Variants in AKAP9 observed in about 807,000 individuals in gnomAD.
AKAP9 encodes the protein A-kinase anchor protein 9.
In AKAP9, 311 loss-of-function variants were observed where a neutral mutation model predicts 488.5. The ratio of observed to expected loss-of-function variants is 0.64; its 90% CI spans 0.58 to 0.70. AKAP9 has a LOEUF of 0.70. Ranked by LOEUF, AKAP9 falls within the 30% of genes least tolerant of loss-of-function variation. The pLI is 0.00. For missense variants in AKAP9, 4,215 were observed against 4,374.5 expected, an observed-to-expected ratio of 0.96 and a Z score of 1.03; for synonymous variants, 1,462 against 1,483.5, an observed-to-expected ratio of 0.99 and a Z score of 0.33.
chr7:92,050,759 C>T (rs1807837717), intron 21 of AKAP9, among the ~76,000 whole-genome samples: 1 of 152,100 alleles, frequency 6.6e-6, no homozygotes, highest in Admixed American at 6.6e-5. Context: ...CATTGCAGAC[C>T]CAAAATTCCA....
chr7:92,061,842 T>C (rs560329658), intron 23 of AKAP9, among the ~76,000 whole-genome samples: 1 of 151,882 alleles, frequency 6.6e-6, no homozygotes, highest in Non-Finnish European at 1.5e-5. Flanking sequence ...TATGCTCTTT[T>C]TAATTCTCCT....
intron 28 of AKAP9, among the ~76,000 whole-genome samples, chr7:92,074,941 A>G (rs760455599): frequency 1.3e-5 from 2 of 152,120 alleles, no homozygotes; most frequent in Non-Finnish European, 2.9e-5. Context: ...AGCAAACTAC[A>G]ATGGCACGTG....
chr7:92,002,831 G>A lies in AKAP9; in HGVS notation c.2914G>A (p.Glu972Lys). The change falls in exon 8 of 50, where the codon GAG (glutamate) becomes AAG (lysine). Residue 972 changes from glutamate (E) to lysine (K), a missense_variant. Physicochemically the swap from Glu to Lys is moderately conservative, Grantham distance 56. This residue lies in a region of AKAP9 where 2,361 missense variants were observed against 2,430.0 expected (regional missense o/e 0.97). Transcript: ENST00000356239. Reference protein sequence around the residue: ...LSEQLKQKHGEISFLNEEVKS... With the variant: ...LSEQLKQKHGKISFLNEEVKS... ...TGAACAATTGAAACAGAAACATGGT[G>A]AGATTAGTTTTCTAAATGAAGAAGT... is the stretch of plus-strand genomic sequence containing the variant. 1 of 1,613,586 alleles carries A rather than the reference G, an allele frequency of 6.2e-7. No individual in the cohort carries two copies. The highest frequency in any genetic ancestry group is 8.5e-7 in the Non-Finnish European group (1 of 1,179,690).
At chr7:92,080,204 G>C (rs766015774) in intron 31 of AKAP9, 52 bp downstream of exon 31, 3 of 1,341,132 alleles carry the variant, frequency 2.2e-6, no homozygotes, top group Non-Finnish European at 3.0e-6. Flanking sequence ...AAACTAAGCT[G>C]ATTGCTAATT....
chr7:92,083,427 T>G lies in AKAP9; in HGVS notation c.8418T>G (p.Ile2806Met), dbSNP rs1813946186. 3 of 1,613,916 alleles carry G rather than the reference T, an allele frequency of 1.9e-6. No individual in the cohort carries two copies. The South Asian group carries it at 3.3e-5, about 18-fold the overall frequency. Reference sequence around the variant, plus strand: ...TTGTTAAAAATGCAGGAATACAAATTAATTTACAGAGTGAATGTTCCTCAG... The same window carrying G: ...TTGTTAAAAATGCAGGAATACAAATGAATTTACAGAGTGAATGTTCCTCAG... ...QILVKNAGIQ[I>M]NLQSECSSEE... The change falls in exon 33 of 50, where the codon ATT becomes ATG. Residue 2806 changes from isoleucine (I) to methionine (M), a missense_variant. Coordinates refer to ENST00000356239, the MANE Select transcript of AKAP9 (RefSeq NM_005751.5).
chr7:92,058,361 G>A (rs528461111), intron 22 of AKAP9: 32 of 566,490 alleles, frequency 5.6e-5, no homozygotes, highest in South Asian at 3.4e-4. Flanking sequence ...TAAAAGAAAC[G>A]GGCATATATT....
At chr7:92,022,378 G>A (rs759071325) in intron 13 of AKAP9, 26 bp downstream of exon 13, 2 of 1,480,308 alleles carry the variant, frequency 1.4e-6, no homozygotes, top group Admixed American at 3.3e-5. Context: ...ATACCACAAT[G>A]TGGTGTTTTT....
chr7:92,109,002 T>G, intron 49 of AKAP9: 1 of 351,948 alleles, frequency 2.8e-6, no homozygotes, highest in Non-Finnish European at 5.3e-6. Context: ...GGTAAGGCCG[T>G]GCCGCAGCAC....
At chr7:92,025,703 C>A (rs1347589941) in intron 14 of AKAP9, among the ~76,000 whole-genome samples, 2 of 152,080 alleles carry the variant, frequency 1.3e-5, no homozygotes, top group African/African-American at 4.8e-5. Context: ...GCTATATGAT[C>A]TTGGACAGAT....
At chr7:91,972,469 T>G (rs1795216742) in intron 1 of AKAP9, among the ~76,000 whole-genome samples, 1 of 152,170 alleles carries the variant, frequency 6.6e-6, no homozygotes, top group African/African-American at 2.4e-5. Context: ...TTTCCATGTT[T>G]GGTGATGGGC....
At chr7:92,036,506 C>A (rs1381319286) in intron 16 of AKAP9, among the ~76,000 whole-genome samples, 1 of 152,038 alleles carries the variant, frequency 6.6e-6, no homozygotes, top group African/African-American at 2.4e-5. Context: ...CATTGATCAT[C>A]TTGAATCTTG....
chr7:92,026,904 C>T (rs1433273510), intron 14 of AKAP9, among the ~76,000 whole-genome samples: 5 of 149,276 alleles, frequency 3.3e-5, no homozygotes, highest in Middle Eastern at 3.5e-3. Context: ...TCTGCCTGGC[C>T]GCCCATCGTC....
rs376499639 is a variant in AKAP9, at chr7:92,091,716, C to T, written c.9359-1381C>T. Reference sequence around the variant, plus strand: ...AATGAGATAAACATATCACTTTAAACGTAGGCGTAATTGAAGATGTCTTTT... The same window carrying T: ...AATGAGATAAACATATCACTTTAAATGTAGGCGTAATTGAAGATGTCTTTT... On this transcript the variant is annotated intron_variant, in intron 38 of 49. Transcript: ENST00000356239. Among the ~76,000 whole-genome samples, 8 of 149,666 alleles carry T rather than the reference C, an allele frequency of 5.3e-5. 1 individual carries two copies. Among genetic ancestry groups the T allele is most frequent in the Admixed American group, 6.6e-5 (1 of 15,062 alleles).
chr7:92,094,470 T>G (rs1224553048), intron 39 of AKAP9, among the ~76,000 whole-genome samples: 1 of 149,344 alleles, frequency 6.7e-6, no homozygotes. Context: ...GAGGCGGAGG[T>G]TACAGTGAGC....
chr7:92,021,855 A>C (rs1450237136), intron 12 of AKAP9, among the ~76,000 whole-genome samples: 1 of 152,218 alleles, frequency 6.6e-6, no homozygotes, highest in Non-Finnish European at 1.5e-5. Context: ...CTAGAGATAA[A>C]CAAGCTGTAT....
chr7:92,054,736 C>T (rs968987759), intron 22 of AKAP9, among the ~76,000 whole-genome samples: 6 of 152,006 alleles, frequency 3.9e-5, no homozygotes, highest in Admixed American at 1.3e-4. Context: ...TTTATTACAA[C>T]GGTTTTACCT....
In AKAP9 at chr7:92,035,388, CA is replaced by C. The variant is rs372367519; in HGVS notation, c.4339-3030del. Among the ~76,000 whole-genome samples the C allele has an allele frequency of 9.6e-3, 1,454 of 152,166 alleles. 30 individuals carry two copies. Among genetic ancestry groups the C allele is most frequent in the Middle Eastern group, 0.054 (16 of 294 alleles). The stretch of plus-strand genomic sequence containing the variant: ...TATGGTCTTTTCTGGGTGAAAGCTC[CA>C]TGTGTACTTGAAAAGAGTATGTGTT... On this transcript the variant is annotated intron_variant, in intron 16 of 49. Coordinates refer to ENST00000356239, the MANE Select transcript of AKAP9 (RefSeq NM_005751.5).
chr7:92,031,432 G>T, intron 15 of AKAP9, 80 bp from the exon 16 acceptor site: 1 of 983,408 alleles, frequency 1.0e-6, no homozygotes. Flanking sequence ...GATACTTTGG[G>T]GAGATTTTGA....
Position 92,085,525 on chromosome 7 carries a change from A to AT in AKAP9, c.8864dup (p.Met2955IlefsTer8), listed in dbSNP as rs760875279. 1.2e-6 allele frequency: 2 copies of AT among 1,614,144 alleles called. No individual in the cohort carries two copies. The highest frequency in any genetic ancestry group is 1.7e-6 in the Non-Finnish European group (2 of 1,180,004). ...ACTGAGAGCTGTCCATAATGAAGGC[A>AT]TGCAGGTGCTTTCTCTCACTGAGTC... On this transcript the variant is annotated frameshift_variant, in exon 36 of 50. Transcript: ENST00000356239. LOFTEE classifies it high-confidence loss of function.
Sources: allele counts gnomAD v4.1 joint callset (sites outside exome capture counted in the v4.1 genomes callset), GRCh38; gene constraint gnomAD v4.1.1; regional missense constraint gnomAD v4.1.1; transcripts MANE v1.5; gene names NCBI Gene and HGNC (gene_info 2026-07-23, HGNC 2026-07-21).